PEBP4: variants seen among roughly 807,000 people sequenced by gnomAD.
PEBP4 encodes the protein phosphatidylethanolamine-binding protein 4.
Under a neutral mutation model 23.9 loss-of-function variants are expected in PEBP4, and 22 were observed. The observed-to-expected ratio is 0.92, with a 90% confidence interval of 0.66 to 1.31. The LOEUF (loss-of-function observed/expected upper bound fraction) is 1.31. Among genes scored for constraint, PEBP4 ranks in the 40% most tolerant of loss-of-function variants. The pLI, the probability that PEBP4 is intolerant of heterozygous loss-of-function variation, is 0.00. For missense variants in PEBP4, 324 were observed against 281.7 expected (o/e 1.15, Z -1.07); for synonymous variants, 112 against 99.3 (o/e 1.13, Z -0.76).
At chr8:22,908,861 C>T (rs1271134823) in intron 3 of PEBP4, among the ~76,000 whole-genome samples, 1 of 152,196 alleles carries the variant, frequency 6.6e-6, no homozygotes, top group Non-Finnish European at 1.5e-5. Context: ...TGCAAATGAC[C>T]ATCCCACCCA....
chr8:22,809,644 T>G (rs1199713725), intron 4 of PEBP4, among the ~76,000 whole-genome samples: 16 of 152,326 alleles, frequency 1.1e-4, no homozygotes, highest in Non-Finnish European at 1.2e-4. Flanking sequence ...CTCTGTCTTT[T>G]ATGAGGACTG....
intron 3 of PEBP4, among the ~76,000 whole-genome samples, chr8:22,830,169 T>A (rs1300502385): frequency 6.7e-6 from 1 of 149,842 alleles, no homozygotes; most frequent in African/African-American, 2.5e-5. Flanking sequence ...TTGCTCTTGT[T>A]GTCAGGCTGG....
chr8:22,716,366 C>G (rs1244831485), intron 6 of PEBP4, among the ~76,000 whole-genome samples: 1 of 152,146 alleles, frequency 6.6e-6, no homozygotes, highest in Non-Finnish European at 1.5e-5. Context: ...CAGCGATGTT[C>G]CAGATGGGGG....
intron 4 of PEBP4, among the ~76,000 whole-genome samples, chr8:22,738,874 C>T (rs547024986): frequency 1.3e-5 from 2 of 152,320 alleles, no homozygotes; most frequent in African/African-American, 4.8e-5. Flanking sequence ...CTCACACACA[C>T]TCACATGTAC....
chr8:22,924,321 G>A (rs1282189151), intron 2 of PEBP4, among the ~76,000 whole-genome samples: 1 of 152,162 alleles, frequency 6.6e-6, no homozygotes, highest in Non-Finnish European at 1.5e-5. Context: ...CTATGATCAG[G>A]CCACTGCACT....
At chr8:22,726,407 G>C (rs1183758297) in intron 5 of PEBP4, among the ~76,000 whole-genome samples, 3 of 152,250 alleles carry the variant, frequency 2.0e-5, no homozygotes, top group African/African-American at 7.2e-5. Flanking sequence ...GGACAAGTCT[G>C]AAGTGAGAAC....
chr8:22,861,292 T>C (rs1807773972), intron 3 of PEBP4, among the ~76,000 whole-genome samples: 1 of 152,222 alleles, frequency 6.6e-6, no homozygotes, highest in Non-Finnish European at 1.5e-5. Flanking sequence ...CTAATAATAA[T>C]AGCTCAGACG....
chr8:22,810,180 A>G (rs1039497030), intron 4 of PEBP4, among the ~76,000 whole-genome samples: 1 of 152,156 alleles, frequency 6.6e-6, no homozygotes, highest in Admixed American at 6.5e-5. Flanking sequence ...GTGTGTCCGT[A>G]GTTGTTCCAA....
chr8:22,789,893 G>A (rs1048421255), intron 4 of PEBP4, among the ~76,000 whole-genome samples: 1 of 152,252 alleles, frequency 6.6e-6, no homozygotes. Context: ...ACGGGCAGAT[G>A]CCCTGTAGTC....
chr8:22,781,586 C>T (rs1805916159), intron 4 of PEBP4, among the ~76,000 whole-genome samples: 1 of 152,162 alleles, frequency 6.6e-6, no homozygotes, highest in Non-Finnish European at 1.5e-5. Context: ...GATCCAAGGC[C>T]TGGGCGGGGG....
At chr8:22,916,482 C>T (rs1316981769) in intron 3 of PEBP4, among the ~76,000 whole-genome samples, 1 of 152,116 alleles carries the variant, frequency 6.6e-6, no homozygotes, top group African/African-American at 2.4e-5. Flanking sequence ...CTGCCTGCTT[C>T]CCCACCCACC....
In PEBP4 at chr8:22,776,111, A is replaced by C. The variant is rs374998726; in HGVS notation, c.357+41526T>G. Among the ~76,000 whole-genome samples, 3 of 152,256 alleles carry C rather than the reference A, an allele frequency of 2.0e-5. No homozygotes were observed. In the East Asian group the frequency reaches 5.8e-4, roughly 29 times the overall value. ...CCCTCCCCTTCTTCATCTCTGCACC[A>C]AAGTAATACTTAGAAAGCCTCGTGA... is the stretch of plus-strand genomic sequence containing the variant. On this transcript the variant is annotated intron_variant, in intron 4 of 6. Coordinates refer to ENST00000256404, the MANE Select transcript of PEBP4 (RefSeq NM_144962.3).
chr8:22,938,956 TAGAGAC>T (rs919563897), intron 1 of PEBP4, among the ~76,000 whole-genome samples: 6 of 152,218 alleles, frequency 3.9e-5, no homozygotes, highest in African/African-American at 9.7e-5. Flanking sequence ...TTGTCCTACT[TAGAGAC>T]AGAGAAAGAA....
chr8:22,868,295 T>C (rs1050498768), intron 3 of PEBP4, among the ~76,000 whole-genome samples: 1 of 152,282 alleles, frequency 6.6e-6, no homozygotes, highest in Middle Eastern at 3.4e-3. Flanking sequence ...GTCTTTGTGA[T>C]TGTCTCTTCA....
At chr8:22,927,527 C>G in intron 2 of PEBP4, 57 bp downstream of exon 2, 2 of 1,557,882 alleles carry the variant, frequency 1.3e-6, no homozygotes, top group Non-Finnish European at 1.7e-6. Context: ...CCCCTCCCTG[C>G]CATCTACCTG....
At chr8:22,759,041 T>C (rs971979290) in intron 4 of PEBP4, among the ~76,000 whole-genome samples, 9 of 151,950 alleles carry the variant, frequency 5.9e-5, no homozygotes, top group African/African-American at 1.5e-4. Flanking sequence ...GAAACAGCTG[T>C]TTACCTGTTT....
chr8:22,790,015 T>C (rs1806106755), intron 4 of PEBP4, among the ~76,000 whole-genome samples: 1 of 152,188 alleles, frequency 6.6e-6, no homozygotes, highest in Admixed American at 6.5e-5. Context: ...CATGGCCCGC[T>C]GACCCCCATG....
chr8:22,855,199 C>T (rs1210960535), intron 3 of PEBP4, among the ~76,000 whole-genome samples: 1 of 152,174 alleles, frequency 6.6e-6, no homozygotes, highest in Non-Finnish European at 1.5e-5. Flanking sequence ...CTGCGCTTCT[C>T]CCACCTGTAA....
intron 4 of PEBP4, among the ~76,000 whole-genome samples, chr8:22,810,217 G>A (rs528777771): frequency 2.0e-5 from 3 of 152,146 alleles, no homozygotes; most frequent in Non-Finnish European, 2.9e-5. Context: ...ACTTCCTTCC[G>A]CTGCTGCTGA....
Sources: allele counts gnomAD v4.1 joint callset (sites outside exome capture counted in the v4.1 genomes callset), GRCh38; gene constraint gnomAD v4.1.1; transcripts MANE v1.5; gene names NCBI Gene and HGNC (gene_info 2026-07-23, HGNC 2026-07-21).